Variants in LRCH1 observed in about 807,000 individuals in gnomAD.
LRCH1 encodes leucine-rich repeat and calponin homology domain-containing protein 1.
Under a neutral mutation model 94.9 loss-of-function variants are expected in LRCH1, and 23 were observed. The observed-to-expected ratio is 0.24, with a 90% confidence interval of 0.17 to 0.34. The LOEUF is 0.34. Among genes scored for constraint, LRCH1 ranks in the 10% least tolerant of loss-of-function variants. LRCH1 has a pLI of 1.00. For synonymous variants in LRCH1, 364 were observed against 354.9 expected (o/e 1.03, Z -0.29); for missense variants, 790 against 945.9 (o/e 0.84, Z 2.16).
intron 1 of LRCH1, among the ~76,000 whole-genome samples, chr13:46,643,389 T>C (rs150960623): frequency 5.6e-4 from 86 of 152,336 alleles, no homozygotes; most frequent in African/African-American, 2.0e-3. Context: ...TGCCCTCTCA[T>C]GTCTTTAATT....
chr13:46,677,500 A>T (rs1175608528), intron 3 of LRCH1, among the ~76,000 whole-genome samples: 2 of 152,204 alleles, frequency 1.3e-5, no homozygotes, highest in Admixed American at 6.5e-5. Flanking sequence ...AGTATAACCT[A>T]GTTTAATAAT....
chr13:46,586,790 C>T (rs75329385), intron 1 of LRCH1, among the ~76,000 whole-genome samples: 4,486 of 152,268 alleles, frequency 0.029, 160 homozygotes, highest in East Asian at 0.17. Context: ...GAGGGGTAGG[C>T]GCCAGGATCA....
intron 17 of LRCH1, among the ~76,000 whole-genome samples, chr13:46,728,008 C>T (rs1242562257): frequency 2.0e-5 from 3 of 151,846 alleles, no homozygotes; most frequent in East Asian, 1.9e-4. Context: ...CCTCCATCTC[C>T]TGAGTTCAAG....
chr13:46,585,483 G>A (rs1229701934), intron 1 of LRCH1, among the ~76,000 whole-genome samples: 1 of 151,152 alleles, frequency 6.6e-6, no homozygotes, highest in African/African-American at 2.4e-5. Flanking sequence ...AATCTGGGAG[G>A]CGGAGCTTTC....
intron 2 of LRCH1, among the ~76,000 whole-genome samples, chr13:46,668,022 T>C (rs1472245708): frequency 6.6e-6 from 1 of 152,218 alleles, no homozygotes; most frequent in Non-Finnish European, 1.5e-5. Context: ...TATTAAATAG[T>C]TACACTGAAT....
intron 18 of LRCH1, among the ~76,000 whole-genome samples, chr13:46,730,260 A>G (rs1346660552): frequency 2.6e-5 from 4 of 152,222 alleles, no homozygotes; most frequent in African/African-American, 9.6e-5. Flanking sequence ...GCTCTTCTCT[A>G]TAATGGAAAT....
intron 1 of LRCH1, among the ~76,000 whole-genome samples, chr13:46,572,263 C>T (rs1007198917): frequency 2.6e-5 from 4 of 152,162 alleles, no homozygotes; most frequent in Admixed American, 6.5e-5. Context: ...GTTCTCTTTG[C>T]CAGGCTGCCT....
Position 46,553,248 on chromosome 13 carries a change from A to T in LRCH1, c.-149A>T. On this transcript the variant is annotated 5_prime_UTR_variant, in exon 1 of 20. Transcript: ENST00000389797. ...CGCCTCCCCGCCCGCCCCCCATTCTACGCGCCTGCCCACACCCTCCTCCCC... is the reference window on the plus strand; with the variant it reads ...CGCCTCCCCGCCCGCCCCCCATTCTTCGCGCCTGCCCACACCCTCCTCCCC... 1.8e-6 allele frequency: 1 copy of T among 550,176 alleles called. No individual in the cohort carries two copies. Among genetic ancestry groups the T allele is most frequent in the South Asian group, 2.1e-5 (1 of 46,536 alleles). 34.1% of individuals were successfully genotyped at this position (550,176 alleles called of 1,614,324 possible). A position where few individuals can be genotyped will look rare whatever the true frequency, so the allele number is the denominator to read the frequency against.
At chr13:46,713,379 A>G (rs966144818) in intron 15 of LRCH1, among the ~76,000 whole-genome samples, 1 of 152,252 alleles carries the variant, frequency 6.6e-6, no homozygotes, top group Non-Finnish European at 1.5e-5. Flanking sequence ...TTTAAATAAG[A>G]ACTGGTAGAG....
intron 1 of LRCH1, among the ~76,000 whole-genome samples, chr13:46,587,118 G>T (rs1243966882): frequency 1.3e-5 from 2 of 152,198 alleles, no homozygotes; most frequent in Non-Finnish European, 2.9e-5. Context: ...AATCCAAGTT[G>T]CTTGAGTTGT....
chr13:46,712,221 A>AGT (rs139710795), intron 14 of LRCH1, among the ~76,000 whole-genome samples: 4 of 151,858 alleles, frequency 2.6e-5, no homozygotes, highest in Non-Finnish European at 4.4e-5. Context: ...AAATGGATAT[A>AGT]GTGTGTGTGT....
chr13:46,651,438 G>T (rs1747221), intron 2 of LRCH1, among the ~76,000 whole-genome samples: 103,561 of 151,906 alleles, frequency 0.68, 35,474 homozygotes, highest in Middle Eastern at 0.75. Flanking sequence ...CCGAGGCGGA[G>T]GGATCGCCTG....
chr13:46,606,727 A>G (rs939315629), intron 1 of LRCH1, among the ~76,000 whole-genome samples: 2 of 152,132 alleles, frequency 1.3e-5, no homozygotes, highest in African/African-American at 4.8e-5. Context: ...GTGGGCCACT[A>G]CGCTCGGCCA....
intron 3 of LRCH1, among the ~76,000 whole-genome samples, chr13:46,673,849 C>T (rs998310988): frequency 3.3e-5 from 5 of 149,542 alleles, no homozygotes; most frequent in South Asian, 2.1e-4. Flanking sequence ...GGCACAATCT[C>T]TGCTCACTGC....
At chr13:46,750,583 T>C (rs1215429435) in exon 19 of LRCH1, 2 of 1,552,140 alleles carry the variant, frequency 1.3e-6, no homozygotes, top group Non-Finnish European at 1.7e-6. Flanking sequence ...GAAAAAGGCC[T>C]GGTCAAAGTG....
At chr13:46,702,603 C>G (rs1871539337) in intron 11 of LRCH1, among the ~76,000 whole-genome samples, 1 of 152,156 alleles carries the variant, frequency 6.6e-6, no homozygotes, top group Admixed American at 6.5e-5. Context: ...TGCCCAACCC[C>G]AGGAAAAGGG....
chr13:46,602,464 G>A (rs572916528), intron 1 of LRCH1, among the ~76,000 whole-genome samples: 1 of 152,236 alleles, frequency 6.6e-6, no homozygotes, highest in South Asian at 2.1e-4. Flanking sequence ...TACTGTGTCT[G>A]TAGTCTAGAA....
intron 2 of LRCH1, among the ~76,000 whole-genome samples, chr13:46,657,708 T>TTTTTTTTTTTTTC (rs2051394355): frequency 7.3e-6 from 1 of 136,788 alleles, no homozygotes; most frequent in Non-Finnish European, 1.6e-5. Context: ...TTTTTTTTTT[T>TTTTTTTTTTTTTC]GGTAGAGATG....
At chr13:46,649,828 C>CAA (rs565134610) in intron 1 of LRCH1, among the ~76,000 whole-genome samples, 182 of 99,896 alleles carry the variant, frequency 1.8e-3, no homozygotes, top group Middle Eastern at 0.011. Context: ...GATCCTGTCT[C>CAA]AAAAAAAAAA....
Sources: allele counts gnomAD v4.1 joint callset (sites outside exome capture counted in the v4.1 genomes callset), GRCh38; gene constraint gnomAD v4.1.1; transcripts MANE v1.5; gene names NCBI Gene and HGNC (gene_info 2026-07-23, HGNC 2026-07-21).